Variants in GRID2 observed in about 807,000 individuals in gnomAD.
GRID2 encodes the protein glutamate ionotropic receptor delta type subunit 2, also known as glutamate receptor ionotropic, delta-2.
GRID2 carries 33 observed loss-of-function variants against 114.8 expected under a neutral mutation model. The observed-to-expected ratio is 0.29, with a 90% confidence interval of 0.22 to 0.38. The LOEUF is 0.38. Ranked by LOEUF, GRID2 falls within the 10% of genes least tolerant of loss-of-function variation. The pLI is 1.00. For missense variants in GRID2, 1,184 were observed against 1,257.7 expected (o/e 0.94, Z 0.89); for synonymous variants, 505 against 449.9 (o/e 1.12, Z -1.55).
At chr4:93,214,000 A>G (rs1010850448) in intron 5 of GRID2, among the ~76,000 whole-genome samples, 1 of 152,118 alleles carries the variant, frequency 6.6e-6, no homozygotes, top group Non-Finnish European at 1.5e-5. Flanking sequence ...GCTAAAAAAT[A>G]CTTAATCATT....
At chr4:93,025,003 G>A (rs543839338) in intron 2 of GRID2, among the ~76,000 whole-genome samples, 5 of 151,782 alleles carry the variant, frequency 3.3e-5, no homozygotes, top group African/African-American at 1.2e-4. Flanking sequence ...GCATATTAGA[G>A]TACATTGCTT....
chr4:92,979,716 A>G (rs914339760), intron 2 of GRID2, among the ~76,000 whole-genome samples: 1 of 152,176 alleles, frequency 6.6e-6, no homozygotes, highest in Non-Finnish European at 1.5e-5. Flanking sequence ...TACAAGCCAT[A>G]GTTCTGCATT....
intron 2 of GRID2, among the ~76,000 whole-genome samples, chr4:92,842,107 G>A (rs1742942639): frequency 6.6e-6 from 1 of 152,098 alleles, no homozygotes. Flanking sequence ...AATGCTGCAT[G>A]ATGCTATGCT....
intron 1 of GRID2, among the ~76,000 whole-genome samples, chr4:92,313,631 G>A (rs1444077465): frequency 2.0e-5 from 3 of 151,938 alleles, no homozygotes; most frequent in African/African-American, 7.2e-5. Flanking sequence ...AGAAATATTA[G>A]TAGCCTGGGA....
intron 5 of GRID2, among the ~76,000 whole-genome samples, chr4:93,215,272 A>G (rs959628958): frequency 6.6e-6 from 1 of 152,078 alleles, no homozygotes; most frequent in Non-Finnish European, 1.5e-5. Flanking sequence ...ATGTTATGAG[A>G]AAAGTCATAC....
At chr4:93,355,750 C>T (rs1281580463) in intron 8 of GRID2, among the ~76,000 whole-genome samples, 2 of 152,054 alleles carry the variant, frequency 1.3e-5, no homozygotes, top group Non-Finnish European at 2.9e-5. Flanking sequence ...GAGAGCTCTG[C>T]AGGACCTCGC....
chr4:92,810,452 C>T (rs2149378565), intron 2 of GRID2, among the ~76,000 whole-genome samples: 1 of 152,098 alleles, frequency 6.6e-6, no homozygotes, highest in South Asian at 2.1e-4. Context: ...TAACTAAAAA[C>T]TACTTGTACC....
At chr4:92,980,515 TATTA>T (rs1291347206) in intron 2 of GRID2, among the ~76,000 whole-genome samples, 1 of 152,074 alleles carries the variant, frequency 6.6e-6, no homozygotes, top group East Asian at 1.9e-4. Flanking sequence ...AAAAATAAGT[TATTA>T]ACACATTTCC....
rs1579663694 is a variant in GRID2, at chr4:93,320,242, G to C, written c.1246-75365G>C. Among the ~76,000 whole-genome samples, 5 of 152,052 alleles carry C rather than the reference G, an allele frequency of 3.3e-5. No individual in the cohort carries two copies. In the South Asian group the frequency reaches 1.0e-3, roughly 31 times the overall value. ...GTGGACAGGTAATCATGTCAGCGATGATTATTGGCATAAAAAAGAAACCTT... is the reference window on the plus strand; with the variant it reads ...GTGGACAGGTAATCATGTCAGCGATCATTATTGGCATAAAAAAGAAACCTT... On this transcript the variant is annotated intron_variant, in intron 8 of 15. Coordinates refer to ENST00000282020, the MANE Select transcript of GRID2 (RefSeq NM_001510.4).
intron 4 of GRID2, among the ~76,000 whole-genome samples, chr4:93,184,090 A>G (rs576299940): frequency 6.6e-6 from 1 of 152,312 alleles, no homozygotes; most frequent in East Asian, 1.9e-4. Context: ...ATCTTCATTG[A>G]AAGAAAATGG....
intron 13 of GRID2, among the ~76,000 whole-genome samples, chr4:93,605,175 A>G (rs550123929): frequency 1.3e-5 from 2 of 152,274 alleles, no homozygotes; most frequent in African/African-American, 4.8e-5. Flanking sequence ...GCAATGTCCA[A>G]TGTGATAACC....
At chr4:93,556,626 G>T (rs1364128228) in intron 13 of GRID2, among the ~76,000 whole-genome samples, 1 of 152,154 alleles carries the variant, frequency 6.6e-6, no homozygotes. Flanking sequence ...ACGTTTGACT[G>T]GTGTACCTCA....
chr4:93,591,267 A>G (rs867009621), intron 13 of GRID2, among the ~76,000 whole-genome samples: 1,568 of 148,546 alleles, frequency 0.011, 18 homozygotes, highest in East Asian at 0.03. Flanking sequence ...TAGCATGAAA[A>G]GTTGTTGAAT....
chr4:92,827,498 C>T lies in GRID2; in HGVS notation c.244+237212C>T, dbSNP rs141829387. ...TTTATGTGTTTAACACCTCCCAGCC[C>T]CGTCAAGACCCGATATTCTACCATC... On this transcript the variant is annotated intron_variant, in intron 2 of 15. Coordinates refer to ENST00000282020, the MANE Select transcript of GRID2 (RefSeq NM_001510.4). 5.5e-3 allele frequency among the ~76,000 whole-genome samples: 830 copies of T among 151,960 alleles called. 14 individuals are homozygous for T. Among genetic ancestry groups the T allele is most frequent in the African/African-American group, 0.019 (790 of 41,482 alleles).
chr4:93,117,785 T>A (rs528821309), intron 4 of GRID2, among the ~76,000 whole-genome samples: 1 of 152,304 alleles, frequency 6.6e-6, no homozygotes, highest in African/African-American at 2.4e-5. Context: ...TTGTGTTAGA[T>A]AAGCTATGTA....
chr4:93,062,526 C>T (rs1053542389), intron 2 of GRID2, among the ~76,000 whole-genome samples: 9 of 152,098 alleles, frequency 5.9e-5, no homozygotes, highest in African/African-American at 2.2e-4. Context: ...AGTTATACTC[C>T]CTGTGATAAT....
chr4:93,720,769 A>G (rs1729296545), intron 14 of GRID2, among the ~76,000 whole-genome samples: 1 of 152,200 alleles, frequency 6.6e-6, no homozygotes, highest in Admixed American at 6.5e-5. Context: ...ATCTCATAAA[A>G]TGTAGAGTTC....
intron 2 of GRID2, among the ~76,000 whole-genome samples, chr4:92,996,815 A>G (rs777484171): frequency 4.6e-5 from 7 of 152,278 alleles, no homozygotes; most frequent in South Asian, 4.1e-4. Context: ...ATGCATTGCT[A>G]TAAGTGTCAG....
chr4:93,805,409 A>G (rs534235581), intron 1 of GRID2, among the ~76,000 whole-genome samples: 1 of 152,228 alleles, frequency 6.6e-6, no homozygotes, highest in Non-Finnish European at 1.5e-5. Flanking sequence ...AGACCTTACT[A>G]TGGGAATTCT....
Sources: allele counts gnomAD v4.1 joint callset (sites outside exome capture counted in the v4.1 genomes callset), GRCh38; gene constraint gnomAD v4.1.1; transcripts MANE v1.5; gene names NCBI Gene and HGNC (gene_info 2026-07-23, HGNC 2026-07-21).